The following DST variants were observed in gnomAD, a reference collection of about 807,000 sequenced individuals.
DST encodes dystonin, also known as bullous pemphigoid antigen.
DST carries 253 observed loss-of-function variants against 875.2 expected under a neutral mutation model. The ratio of observed to expected loss-of-function variants is 0.29; its 90% confidence interval spans 0.26 to 0.32. DST has a LOEUF of 0.32. Ranked by LOEUF, DST falls within the 10% of genes least tolerant of loss-of-function variation. DST has a pLI of 1.00. For synonymous variants in DST, 3,124 were observed against 3,197.1 expected (o/e 0.98, Z 0.77); for missense variants, 8,287 against 9,111.6 (o/e 0.91, Z 3.68).
At chr6:56,710,305 T>G (rs2099358121) in intron 5 of DST, among the ~76,000 whole-genome samples, 1 of 152,182 alleles carries the variant, frequency 6.6e-6, no homozygotes, top group Non-Finnish European at 1.5e-5. Context: ...CATAAAGGGT[T>G]CACAGTCCGC....
chr6:56,652,108 T>TAC (rs151329339), intron 10 of DST, among the ~76,000 whole-genome samples: 2 of 151,800 alleles, frequency 1.3e-5, no homozygotes, highest in Admixed American at 6.6e-5. Context: ...TGTGCCCCCC[T>TAC]ACACACACAC....
In DST at chr6:56,642,519, A is replaced by G. The variant is rs775027783; in HGVS notation, c.1779-16T>C. On this transcript the variant is annotated splice_polypyrimidine_tract_variant and intron_variant, in intron 15 of 103. Transcript: ENST00000680361. ...CATTTCTAACCTAAAAGATGAGACAAAATAAAATAAAGCTTCTCCCTTTGA... is the reference window on the plus strand; with the variant it reads ...CATTTCTAACCTAAAAGATGAGACAGAATAAAATAAAGCTTCTCCCTTTGA... 1.2e-6 allele frequency: 2 copies of G among 1,610,616 alleles called. No individual in the cohort carries two copies. The highest frequency in any genetic ancestry group is 3.3e-5 in the Admixed American group (2 of 60,000).
rs1442076528 is a variant in DST, at chr6:56,701,912, T to C, written c.930A>G (p.Ala310=). 1.2e-6 allele frequency: 2 copies of C among 1,611,008 alleles called. No individual in the cohort carries two copies. Among genetic ancestry groups the C allele is most frequent in the African/African-American group, 1.3e-5 (1 of 74,852 alleles). The change falls in exon 8 of 104, where the codon GCA becomes GCG. Residue 310 remains alanine, a synonymous_variant. Transcript: ENST00000680361. The part of the protein sequence containing the change: ...RFHRLQNVQI[A]LDYLKRRQVK... ...CCTGGCGTCTTTTCAAATAGTCAAG[T>C]GCAATTTGTACATTCTGTAGTCTGT... is the stretch of plus-strand genomic sequence containing the variant.
At chr6:56,833,919 A>G (rs1562085143) in intron 4 of DST, among the ~76,000 whole-genome samples, 2 of 152,160 alleles carry the variant, frequency 1.3e-5, no homozygotes, top group Non-Finnish European at 2.9e-5. Context: ...AACAATAAAA[A>G]AAAAAAAATT....
At chr6:56,480,299 A>T (rs562572353) in intron 90 of DST, among the ~76,000 whole-genome samples, 1 of 152,294 alleles carries the variant, frequency 6.6e-6, no homozygotes, top group South Asian at 2.1e-4. Flanking sequence ...TAAGGAAGAG[A>T]AAAAAATAGG....
intron 36 of DST, chr6:56,616,070 G>T (rs757069891): frequency 1.2e-6 from 2 of 1,614,140 alleles, no homozygotes; most frequent in South Asian, 2.2e-5. Context: ...ATTTCTACGG[G>T]AGGCTTTTAG....
At chr6:56,896,755 T>C (rs1791519262) in intron 3 of DST, among the ~76,000 whole-genome samples, 1 of 152,252 alleles carries the variant, frequency 6.6e-6, no homozygotes, top group South Asian at 2.1e-4. Flanking sequence ...CATTTGTATA[T>C]CATTGTCTTT....
At chr6:56,899,488 C>T (rs975402626) in intron 3 of DST, among the ~76,000 whole-genome samples, 1 of 152,142 alleles carries the variant, frequency 6.6e-6, no homozygotes, top group Non-Finnish European at 1.5e-5. Context: ...GCCTGCCACA[C>T]AGTTACCCCC....
intron 2 of DST, among the ~76,000 whole-genome samples, chr6:56,940,646 C>G (rs989451404): frequency 5.9e-5 from 9 of 151,964 alleles, no homozygotes; most frequent in African/African-American, 2.2e-4. Context: ...GTGGCGCAAT[C>G]ACAGCTCACT....
chr6:56,718,045 C>A (rs1414693669), intron 5 of DST, among the ~76,000 whole-genome samples: 1 of 151,956 alleles, frequency 6.6e-6, no homozygotes, highest in Non-Finnish European at 1.5e-5. Flanking sequence ...GAGTTTGAGA[C>A]CAGCCTGGGC....
intron 4 of DST, among the ~76,000 whole-genome samples, chr6:56,756,566 T>C (rs1212459740): frequency 6.6e-6 from 1 of 152,098 alleles, no homozygotes; most frequent in Admixed American, 6.5e-5. Context: ...CTGGCAGGAA[T>C]GAGCACAGTG....
At chr6:56,593,509 T>C (rs1586000306) in intron 48 of DST, among the ~76,000 whole-genome samples, 154 bp downstream of exon 48, 2 of 43,052 alleles carry the variant, frequency 4.6e-5, no homozygotes, top group African/African-American at 1.3e-4. Context: ...AGAGTGAGAC[T>C]CCTTCTCAAA....
chr6:56,516,204 A>G (rs74779064), intron 71 of DST, among the ~76,000 whole-genome samples: 2 of 121,686 alleles, frequency 1.6e-5, no homozygotes, highest in African/African-American at 7.0e-5. Context: ...AGAAGGAGAA[A>G]GAGAAAGAGG....
intron 63 of DST, 136 bp from the exon 64 acceptor site, chr6:56,532,646 G>A (rs1584262527): frequency 4.8e-6 from 4 of 835,568 alleles, no homozygotes; most frequent in East Asian, 2.8e-5. Context: ...TCTGAAAAGC[G>A]AGATTTTAAA....
Position 56,627,985 on chromosome 6 carries a change from T to C in DST, c.4638+14A>G, listed in dbSNP as rs754033423. The C allele has an allele frequency of 3.7e-6, 6 of 1,613,018 alleles. No individual in the cohort carries two copies. Among genetic ancestry groups the C allele is most frequent in the Non-Finnish European group, 4.2e-6 (5 of 1,179,084 alleles). ...GCAGACATAACCTCAGTAGAGGGAA[T>C]TATTTTTACATACCTTCTGTTGATT... On this transcript the variant is annotated intron_variant, in intron 33 of 103. Transcript: ENST00000680361.
chr6:56,767,301 G>T (rs2099635949), intron 4 of DST, among the ~76,000 whole-genome samples: 1 of 152,064 alleles, frequency 6.6e-6, no homozygotes, highest in African/African-American at 2.4e-5. Context: ...AACAAAAAGA[G>T]AAACAGCAAT....
At chr6:56,868,907 C>T (rs140866164) in intron 3 of DST, among the ~76,000 whole-genome samples, 189 of 152,186 alleles carry the variant, frequency 1.2e-3, no homozygotes, top group Non-Finnish European at 2.1e-3. Context: ...TGAATTCTAC[C>T]CTCTGTGGGA....
intron 69 of DST, among the ~76,000 whole-genome samples, chr6:56,523,906 G>C (rs191982284): frequency 6.6e-6 from 1 of 152,266 alleles, no homozygotes; most frequent in East Asian, 1.9e-4. Flanking sequence ...TGTCTAAAAA[G>C]ATGAGCTCAG....
chr6:56,598,089 A>G, intron 46 of DST, 83 bp from the exon 47 acceptor site: 4 of 1,307,930 alleles, frequency 3.1e-6, no homozygotes, highest in Non-Finnish European at 4.1e-6. Flanking sequence ...AATACTTAGA[A>G]CATTTTAAAT....
Sources: allele counts gnomAD v4.1 joint callset (sites outside exome capture counted in the v4.1 genomes callset), GRCh38; gene constraint gnomAD v4.1.1; transcripts MANE v1.5; gene names NCBI Gene and HGNC (gene_info 2026-07-23, HGNC 2026-07-21).